NRG3: variants seen among roughly 807,000 people sequenced by gnomAD.
The protein encoded by NRG3 is pro-neuregulin-3, membrane-bound isoform.
NRG3 carries 31 observed loss-of-function variants against 66.9 expected under a neutral mutation model. That is an observed-to-expected ratio of 0.46 (90% confidence interval 0.35 to 0.63). NRG3 has a LOEUF of 0.63. Among genes scored for constraint, NRG3 ranks in the 20% least tolerant of loss-of-function variants. The probability of loss-of-function intolerance (pLI) is 0.00; values close to 1 mark genes in which losing one functional copy is unlikely to be tolerated. For synonymous variants in NRG3, 393 were observed against 359.4 expected (o/e 1.09, Z -1.06); for missense variants, 910 against 878.9 (o/e 1.04, Z -0.45).
chr10:82,857,253 A>G (rs2063859294), intron 3 of NRG3, among the ~76,000 whole-genome samples: 1 of 152,222 alleles, frequency 6.6e-6, no homozygotes, highest in Non-Finnish European at 1.5e-5. Flanking sequence ...ATCCTTTGAT[A>G]CAAATCAACA....
chr10:82,918,692 T>C (rs1846117816), intron 4 of NRG3, among the ~76,000 whole-genome samples: 1 of 152,140 alleles, frequency 6.6e-6, no homozygotes, highest in South Asian at 2.1e-4. Flanking sequence ...CCTCCCACTT[T>C]CTTGGCCCTA....
At chr10:82,103,621 C>T (rs556437294) in intron 1 of NRG3, among the ~76,000 whole-genome samples, 10 of 152,184 alleles carry the variant, frequency 6.6e-5, no homozygotes, top group African/African-American at 1.4e-4. Context: ...CTATTACATG[C>T]GTGTTCTACT....
intron 2 of NRG3, among the ~76,000 whole-genome samples, chr10:82,658,932 C>G (rs1255184821): frequency 6.6e-6 from 1 of 152,104 alleles, no homozygotes; most frequent in Admixed American, 6.6e-5. Flanking sequence ...AATAAATAGG[C>G]TTTACAGTTT....
intron 3 of NRG3, among the ~76,000 whole-genome samples, chr10:82,803,925 C>A (rs1389725703): frequency 6.6e-6 from 1 of 152,144 alleles, no homozygotes; most frequent in Admixed American, 6.5e-5. Flanking sequence ...CAGTTCCAGG[C>A]ATAAACAATT....
chr10:82,913,164 G>A (rs551185116), intron 4 of NRG3, among the ~76,000 whole-genome samples: 2 of 152,262 alleles, frequency 1.3e-5, no homozygotes, highest in Admixed American at 6.5e-5. Context: ...GGCAGAGCTT[G>A]CAGTGAGCTG....
At chr10:82,170,045 A>C (rs1035735700) in intron 1 of NRG3, among the ~76,000 whole-genome samples, 1 of 149,940 alleles carries the variant, frequency 6.7e-6, no homozygotes, top group Admixed American at 6.7e-5. Flanking sequence ...GATATTTTCT[A>C]TCTCCACTGT....
At chr10:82,878,040 G>A (rs1408156289) in intron 4 of NRG3, among the ~76,000 whole-genome samples, 6 of 152,134 alleles carry the variant, frequency 3.9e-5, no homozygotes, top group Non-Finnish European at 7.3e-5. Context: ...GGAGACAGAG[G>A]AAGGAGCACC....
At chr10:82,508,354 C>T (rs1844866521) in intron 2 of NRG3, among the ~76,000 whole-genome samples, 1 of 152,064 alleles carries the variant, frequency 6.6e-6, no homozygotes, top group Non-Finnish European at 1.5e-5. Flanking sequence ...CACCAAAATG[C>T]TCAGGGACCT....
At chr10:82,847,660 A>G (rs1404403287) in intron 3 of NRG3, among the ~76,000 whole-genome samples, 1 of 152,156 alleles carries the variant, frequency 6.6e-6, no homozygotes, top group Non-Finnish European at 1.5e-5. Context: ...CTTCAGTCAG[A>G]TGTATTTTGA....
chr10:82,698,090 ACCT>A (rs2055541286), intron 2 of NRG3, among the ~76,000 whole-genome samples: 2 of 152,178 alleles, frequency 1.3e-5, no homozygotes, highest in African/African-American at 4.8e-5. Flanking sequence ...TTATCTAATA[ACCT>A]CCTAGATTTT....
intron 4 of NRG3, among the ~76,000 whole-genome samples, chr10:82,945,027 G>A (rs1388664600): frequency 6.6e-6 from 1 of 152,152 alleles, no homozygotes; most frequent in East Asian, 1.9e-4. Context: ...AAGTCCCCAT[G>A]GACTAATTTC....
At chr10:82,243,578 A>G (rs1055082871) in intron 1 of NRG3, among the ~76,000 whole-genome samples, 1 of 152,188 alleles carries the variant, frequency 6.6e-6, no homozygotes, top group Non-Finnish European at 1.5e-5. Context: ...TACACTTTCC[A>G]ACAGTGATCC....
chr10:82,554,021 A>G (rs1366270672), intron 2 of NRG3, among the ~76,000 whole-genome samples: 1 of 152,194 alleles, frequency 6.6e-6, no homozygotes, highest in African/African-American at 2.4e-5. Context: ...ATCATCTGTT[A>G]TATGTTAGTA....
At chr10:82,129,022 C>T (rs117311457) in intron 1 of NRG3, among the ~76,000 whole-genome samples, 1 of 151,872 alleles carries the variant, frequency 6.6e-6, no homozygotes, top group Non-Finnish European at 1.5e-5. Flanking sequence ...AAGCGATTCT[C>T]CTGTCTCAGC....
chr10:82,566,581 C>T (rs1037384383), intron 2 of NRG3, among the ~76,000 whole-genome samples: 19 of 151,708 alleles, frequency 1.3e-4, no homozygotes, highest in Admixed American at 1.2e-3. Flanking sequence ...ATAAATTACC[C>T]ATTGGGACAG....
At position 82,096,964 on chromosome 10, in the gene NRG3, CA is replaced by C. The variant is rs1387732990; in HGVS notation, c.823+220802del. On this transcript the variant is annotated intron_variant, in intron 1 of 8. Transcript: ENST00000372141. ...AAAGAAAAAATTTAAAATTTACATA[CA>C]GTAAAATTCCCTTTTTGAGGTGCAG... Among the ~76,000 whole-genome samples the C allele has an allele frequency of 2.0e-5, 3 of 152,238 alleles. No homozygotes were observed. In the East Asian group the frequency reaches 5.8e-4, roughly 29 times the overall value.
At chr10:82,438,308 G>T (rs2090250286) in intron 2 of NRG3, among the ~76,000 whole-genome samples, 1 of 152,250 alleles carries the variant, frequency 6.6e-6, no homozygotes, top group Non-Finnish European at 1.5e-5. Context: ...TCAGGGTTAG[G>T]CCTGAAGAGG....
At chr10:82,498,852 A>G (rs547256777) in intron 2 of NRG3, among the ~76,000 whole-genome samples, 1 of 152,170 alleles carries the variant, frequency 6.6e-6, no homozygotes, top group Non-Finnish European at 1.5e-5. Flanking sequence ...TTTTTTCGGT[A>G]AAATCCTGTA....
At chr10:82,960,807 C>T (rs746596288) in intron 6 of NRG3, among the ~76,000 whole-genome samples, 10 of 152,168 alleles carry the variant, frequency 6.6e-5, no homozygotes, top group Non-Finnish European at 1.2e-4. Flanking sequence ...CCTTGTGACC[C>T]CCACCCCTGC....
Sources: allele counts gnomAD v4.1 joint callset (sites outside exome capture counted in the v4.1 genomes callset), GRCh38; gene constraint gnomAD v4.1.1; transcripts MANE v1.5; gene names NCBI Gene and HGNC (gene_info 2026-07-23, HGNC 2026-07-21).